USP12: variants seen among roughly 807,000 people sequenced by gnomAD.
USP12 encodes ubiquitin specific peptidase 12.
Under a neutral mutation model 45.5 loss-of-function variants are expected in USP12, and 19 were observed. The ratio of observed to expected loss-of-function variants is 0.42; its 90% CI spans 0.29 to 0.61. USP12 has a LOEUF of 0.61. Ranked by LOEUF, USP12 falls within the 20% of genes least tolerant of loss-of-function variation. The pLI, the probability that USP12 is intolerant of heterozygous loss-of-function variation, is 0.22. For synonymous variants in USP12, 149 were observed against 148.8 expected, an observed-to-expected ratio of 1.00 and a Z score of -0.01; for missense variants, 242 against 447.7, an observed-to-expected ratio of 0.54 and a Z score of 4.15.
In USP12 at chr13:27,136,516, C is replaced by T. The variant is rs181246360; in HGVS notation, c.49-19920G>A. ...CCCGCCTCAAATAAACAAATACATA[C>T]ATACATACATACCCTTTAGGTAATT... On this transcript the variant is annotated intron_variant, in intron 1 of 8. Transcript: ENST00000282344. Among the ~76,000 whole-genome samples the T allele has an allele frequency of 3.0e-3, 462 of 152,170 alleles. 2 individuals carry two copies. Among genetic ancestry groups the T allele is most frequent in the African/African-American group, 0.011 (445 of 41,512 alleles).
intron 3 of USP12, among the ~76,000 whole-genome samples, chr13:27,099,688 ATT>A (rs11335488): frequency 6.6e-6 from 1 of 151,982 alleles, no homozygotes; most frequent in Non-Finnish European, 1.5e-5. Flanking sequence ...ATTCACAATA[ATT>A]TTTTTTCACG....
At chr13:27,078,936 T>G (rs2137758199) in intron 6 of USP12, among the ~76,000 whole-genome samples, 1 of 152,058 alleles carries the variant, frequency 6.6e-6, no homozygotes, top group East Asian at 1.9e-4. Context: ...ACTAATGTAC[T>G]GGACAATAAA....
At chr13:27,100,135 G>A (rs1874799859) in intron 3 of USP12, among the ~76,000 whole-genome samples, 1 of 152,156 alleles carries the variant, frequency 6.6e-6, no homozygotes, top group African/African-American at 2.4e-5. Flanking sequence ...ACCTTGCGTG[G>A]TTCCACCAAT....
intron 2 of USP12, among the ~76,000 whole-genome samples, chr13:27,110,127 T>TAAAA (rs1555234986): frequency 1.3e-4 from 15 of 119,628 alleles, no homozygotes; most frequent in South Asian, 5.9e-4. Context: ...CTTTTCCAGG[T>TAAAA]AAAAAAAAAA....
At chr13:27,113,549 G>A (rs977210150) in intron 2 of USP12, among the ~76,000 whole-genome samples, 1 of 152,186 alleles carries the variant, frequency 6.6e-6, no homozygotes, top group Non-Finnish European at 1.5e-5. Context: ...ACCTCACCCA[G>A]AAGTCATCTT....
rs372387717 is a variant in USP12 at position 27,094,743 on chromosome 13, C to CAA, written c.573+856_573+857dup. Among the ~76,000 whole-genome samples the CAA allele has an allele frequency of 9.9e-5, 14 of 140,834 alleles. No homozygotes were observed. In the South Asian group the frequency reaches 1.4e-3, roughly 14 times the overall value. 92.4% of individuals were successfully genotyped at this position (140,834 alleles called of 152,430 possible). A position where few individuals can be genotyped will look rare whatever the true frequency, so the allele number is the denominator to read the frequency against. Reference sequence around the variant, plus strand: ...TAAAAAGGTGAGGGAGGCATATTCTCAAAAAAAAAAAGACCATGTAAATGT... The same window carrying CAA: ...TAAAAAGGTGAGGGAGGCATATTCTCAAAAAAAAAAAAAGACCATGTAAATGT... On this transcript the variant is annotated intron_variant, in intron 4 of 8. Coordinates refer to ENST00000282344, the MANE Select transcript of USP12 (RefSeq NM_182488.4).
intron 7 of USP12, among the ~76,000 whole-genome samples, chr13:27,072,739 T>G (rs554162920): frequency 6.6e-6 from 1 of 152,216 alleles, no homozygotes; most frequent in East Asian, 1.9e-4. Context: ...TGCCCAGTTT[T>G]GACATGGGCT....
At chr13:27,161,247 A>G (rs1878093337) in intron 1 of USP12, among the ~76,000 whole-genome samples, 2 of 152,346 alleles carry the variant, frequency 1.3e-5, no homozygotes, top group Admixed American at 6.5e-5. Context: ...AACAGCAGAA[A>G]TAATTTCTTC....
At chr13:27,087,423 C>A (rs1874111290) in intron 6 of USP12, among the ~76,000 whole-genome samples, 1 of 152,096 alleles carries the variant, frequency 6.6e-6, no homozygotes, top group South Asian at 2.1e-4. Flanking sequence ...AAAGGAATTA[C>A]AAATACTGTG....
intron 1 of USP12, chr13:27,169,142 C>G (rs1415971022): frequency 6.6e-6 from 1 of 152,156 alleles, no homozygotes; most frequent in Non-Finnish European, 1.5e-5. Flanking sequence ...TCAAGGCCCT[C>G]ACAATTGAGT....
chr13:27,154,280 G>C lies in USP12; in HGVS notation c.48+17312C>G, dbSNP rs530136512. Among the ~76,000 whole-genome samples the C allele has an allele frequency of 2.0e-5, 3 of 152,218 alleles. No individual in the cohort carries two copies. In the South Asian group the frequency reaches 6.2e-4, roughly 32 times the overall value. On this transcript the variant is annotated intron_variant, in intron 1 of 8. Transcript: ENST00000282344. ...ATATATTTTACATATACTCTGTTGA[G>C]CAAGGGCATATAGCATAGGTTTTAT...
intron 1 of USP12, among the ~76,000 whole-genome samples, chr13:27,120,578 C>T (rs1016404586): frequency 6.6e-5 from 10 of 150,422 alleles, no homozygotes; most frequent in Non-Finnish European, 1.2e-4. Flanking sequence ...GTCAAGATTG[C>T]GCCACTGCAC....
chr13:27,110,096 T>C (rs947533873), intron 2 of USP12, among the ~76,000 whole-genome samples: 34 of 116,586 alleles, frequency 2.9e-4, no homozygotes, highest in Middle Eastern at 6.5e-3. Context: ...ATGGCCAAAA[T>C]GCCATGATGA....
At chr13:27,150,247 A>G (rs1877508498) in intron 1 of USP12, among the ~76,000 whole-genome samples, 1 of 152,228 alleles carries the variant, frequency 6.6e-6, no homozygotes, top group East Asian at 1.9e-4. Flanking sequence ...ATAAAGCAAA[A>G]AATTGTATTT....
Position 27,157,026 on chromosome 13 carries a change from A to C in USP12, c.48+14566T>G, listed in dbSNP as rs1036896182. Among the ~76,000 whole-genome samples the C allele has an allele frequency of 7.2e-5, 11 of 152,182 alleles. No individual in the cohort carries two copies. In the East Asian group the frequency reaches 2.1e-3, roughly 29 times the overall value. On this transcript the variant is annotated intron_variant, in intron 1 of 8. Coordinates refer to ENST00000282344, the MANE Select transcript of USP12 (RefSeq NM_182488.4). Reference sequence around the variant, plus strand: ...AATTTCCTTACCTGTAAAACAGACTACTCCTCTCTATGGGTCCATCTCATA... The same window carrying C: ...AATTTCCTTACCTGTAAAACAGACTCCTCCTCTCTATGGGTCCATCTCATA...
chr13:27,084,425 G>T (rs1346165656), intron 6 of USP12, among the ~76,000 whole-genome samples: 1 of 147,318 alleles, frequency 6.8e-6, no homozygotes, highest in East Asian at 2.1e-4. Flanking sequence ...AGAATCGCTT[G>T]AACCCGGGAG....
At chr13:27,169,573 A>C (rs1161641272) in intron 1 of USP12, among the ~76,000 whole-genome samples, 2 of 152,106 alleles carry the variant, frequency 1.3e-5, no homozygotes, top group African/African-American at 4.8e-5. Flanking sequence ...TTGGCCAGGC[A>C]TTTTCTGTAT....
intron 3 of USP12, among the ~76,000 whole-genome samples, chr13:27,101,725 C>G (rs1197697796): frequency 1.3e-5 from 2 of 152,124 alleles, no homozygotes; most frequent in Non-Finnish European, 2.9e-5. Context: ...GCTATAAGCT[C>G]TCATTACACA....
intron 1 of USP12, among the ~76,000 whole-genome samples, chr13:27,134,249 G>T (rs184405734): frequency 1.3e-5 from 2 of 152,178 alleles, no homozygotes; most frequent in Admixed American, 1.3e-4. Context: ...CAACTTATAG[G>T]ACAGAATTTG....
Sources: gnomAD v4.1 joint callset for allele counts (sites outside exome capture counted in the v4.1 genomes callset) on GRCh38, gnomAD v4.1.1 for gene constraint, MANE v1.5 for transcripts, NCBI Gene and HGNC (gene_info 2026-07-23, HGNC 2026-07-21) for gene names.